SYT9: variants seen among roughly 807,000 people sequenced by gnomAD.
SYT9 encodes synaptotagmin 9, also known as synaptotagmin-9.
SYT9 carries 22 observed loss-of-function variants against 48.4 expected under a neutral mutation model. The observed-to-expected ratio is 0.45, with a 90% CI of 0.32 to 0.65. The LOEUF is 0.65. Ranked by LOEUF, SYT9 falls within the 30% of genes least tolerant of loss-of-function variation. SYT9 has a pLI of 0.03. For missense variants in SYT9, 577 were observed against 622.0 expected (o/e 0.93, Z 0.77); for synonymous variants, 265 against 245.0 (o/e 1.08, Z -0.76).
At chr11:7,380,364 G>A (rs1023276418) in intron 3 of SYT9, among the ~76,000 whole-genome samples, 5 of 152,176 alleles carry the variant, frequency 3.3e-5, no homozygotes, top group East Asian at 1.9e-4. Context: ...CCTACTATTC[G>A]ATAGCACCAT....
chr11:7,254,798 G>T (rs768455322), intron 1 of SYT9, among the ~76,000 whole-genome samples: 1 of 152,148 alleles, frequency 6.6e-6, no homozygotes, highest in East Asian at 1.9e-4. Flanking sequence ...GGAGAAAAAA[G>T]ATATAATTTC....
At chr11:7,398,040 A>G (rs555054475) in intron 3 of SYT9, among the ~76,000 whole-genome samples, 7 of 152,284 alleles carry the variant, frequency 4.6e-5, no homozygotes, top group Non-Finnish European at 5.9e-5. Flanking sequence ...ACATCCTCCC[A>G]ATGCTCCTCT....
chr11:7,342,668 A>G (rs1033493235), intron 3 of SYT9, among the ~76,000 whole-genome samples: 4 of 152,126 alleles, frequency 2.6e-5, no homozygotes, highest in Non-Finnish European at 4.4e-5. Flanking sequence ...CTGTAGGTGG[A>G]TCTACCATTC....
At chr11:7,318,509 T>C (rs1296384433) in intron 3 of SYT9, among the ~76,000 whole-genome samples, 1 of 152,160 alleles carries the variant, frequency 6.6e-6, no homozygotes, top group Non-Finnish European at 1.5e-5. Context: ...AGACGGGGTT[T>C]CACCATGTTG....
At chr11:7,344,510 C>G (rs1329579501) in intron 3 of SYT9, among the ~76,000 whole-genome samples, 1 of 152,072 alleles carries the variant, frequency 6.6e-6, no homozygotes, top group Non-Finnish European at 1.5e-5. Flanking sequence ...TACTGTTTTA[C>G]TCTAGAAGTT....
rs1847877912 is a variant in SYT9 at position 7,252,085 on chromosome 11, C to G, written c.-102C>G. 1 of 1,256,826 alleles carries G rather than the reference C, an allele frequency of 8.0e-7. No homozygotes were observed. The highest frequency in any genetic ancestry group is 1.0e-6 in the Non-Finnish European group (1 of 982,816). 77.9% of individuals were successfully genotyped at this position (1,256,826 alleles called of 1,614,324 possible). A position where few individuals can be genotyped will look rare whatever the true frequency, so the allele number is the denominator to read the frequency against. The stretch of plus-strand genomic sequence containing the variant: ...GCACCGTTTCTCGGCAGGTCCCTGG[C>G]GGTGAGCGCGGACGGCCCGGAGGCG... On this transcript the variant is annotated 5_prime_UTR_variant, in exon 1 of 7. Transcript: ENST00000318881. This position sits in a 1 kb window ranked among gnomAD's most constrained non-coding sequence, Gnocchi z 6.3.
intron 2 of SYT9, among the ~76,000 whole-genome samples, chr11:7,307,828 C>T (rs1248829088): frequency 1.3e-5 from 2 of 152,212 alleles, no homozygotes; most frequent in Non-Finnish European, 2.9e-5. Context: ...AAAGGCTCAT[C>T]TTAGTTATGG....
chr11:7,436,536 A>T (rs75289515), intron 6 of SYT9, among the ~76,000 whole-genome samples: 1 of 152,360 alleles, frequency 6.6e-6, no homozygotes, highest in African/African-American at 2.4e-5. Flanking sequence ...ATGTATATGT[A>T]CAAATGTAAG....
rs998969316 is a variant in SYT9 at position 7,251,964 on chromosome 11, G to A, written c.-223G>A. ...CTGGGGAGGGACGGAGGGACCGGGC[G>A]GGAGAGAGAGAAAGCCTGACCGACC... On this transcript the variant is annotated 5_prime_UTR_variant, in exon 1 of 7. Coordinates refer to ENST00000318881, the MANE Select transcript of SYT9 (RefSeq NM_175733.4). 1 of 443,878 alleles carries A rather than the reference G, an allele frequency of 2.3e-6. No individual in the cohort carries two copies. Among genetic ancestry groups the A allele is most frequent in the Non-Finnish European group, 3.9e-6 (1 of 255,294 alleles). 27.5% of individuals were successfully genotyped at this position (443,878 alleles called of 1,614,324 possible). A position where few individuals can be genotyped will look rare whatever the true frequency, so the allele number is the denominator to read the frequency against.
At chr11:7,294,960 G>C (rs758136875) in intron 1 of SYT9, among the ~76,000 whole-genome samples, 1 of 152,138 alleles carries the variant, frequency 6.6e-6, no homozygotes, top group African/African-American at 2.4e-5. Flanking sequence ...GCCTTCCTTC[G>C]TTCCTTCTCT....
Position 7,252,270 on chromosome 11 carries a change from C to A in SYT9, c.84C>A (p.Asp28Glu), listed in dbSNP as rs964555192. 2 of 1,511,392 alleles carry A rather than the reference C, an allele frequency of 1.3e-6. No individual in the cohort carries two copies. Among genetic ancestry groups the A allele is most frequent in the Admixed American group, 2.2e-5 (1 of 45,950 alleles). The allele number at this position is 1,511,392 out of a possible 1,614,324, so 93.6% of individuals were successfully genotyped here. ...ELCARGALEH[D>E]SCQDFIYHLR... The stretch of plus-strand genomic sequence containing the variant: ...GTGCCCGTGGGGCCCTGGAGCACGA[C>A]AGCTGCCAGGATTTCATTTACCACC... The change falls in exon 1 of 7, where the codon GAC (aspartate) becomes GAA (glutamate). Residue 28 changes from aspartate (D) to glutamate (E), a missense_variant. By Grantham distance (45) the Asp-to-Glu change is conservative (BLOSUM62 2). Coordinates refer to ENST00000318881, the MANE Select transcript of SYT9 (RefSeq NM_175733.4). The surrounding 1 kb of genome is among the most constrained non-coding windows in gnomAD (Gnocchi z 6.3).
At chr11:7,363,909 A>G (rs1248825540) in intron 3 of SYT9, among the ~76,000 whole-genome samples, 1 of 152,212 alleles carries the variant, frequency 6.6e-6, no homozygotes, top group Non-Finnish European at 1.5e-5. Flanking sequence ...AGTCAAAGAT[A>G]TGGAATTAGA....
intron 5 of SYT9, among the ~76,000 whole-genome samples, chr11:7,419,460 A>T (rs966660766): frequency 6.6e-6 from 1 of 152,138 alleles, no homozygotes; most frequent in African/African-American, 2.4e-5. Flanking sequence ...GAGGGAAAAA[A>T]AAAAGAGAAA....
chr11:7,304,259 C>T (rs142852583), intron 2 of SYT9, among the ~76,000 whole-genome samples: 3 of 152,184 alleles, frequency 2.0e-5, no homozygotes, highest in Non-Finnish European at 4.4e-5. Context: ...GTTAGTATTG[C>T]TATTATGGCC....
At chr11:7,453,270 A>G (rs1445185799) in intron 6 of SYT9, among the ~76,000 whole-genome samples, 1 of 151,880 alleles carries the variant, frequency 6.6e-6, no homozygotes, top group Non-Finnish European at 1.5e-5. Flanking sequence ...CGTGCCCACT[A>G]TGGGGAGGAG....
chr11:7,281,293 G>A (rs1000283477), intron 1 of SYT9, among the ~76,000 whole-genome samples: 1 of 152,096 alleles, frequency 6.6e-6, no homozygotes, highest in African/African-American at 2.4e-5. Flanking sequence ...AATAGAACAG[G>A]TTTCCTCTGT....
At chr11:7,322,344 G>A (rs546784139) in intron 3 of SYT9, among the ~76,000 whole-genome samples, 3 of 152,284 alleles carry the variant, frequency 2.0e-5, no homozygotes, top group East Asian at 1.9e-4. Context: ...CAAGCAACTC[G>A]AAAAACACCA....
intron 3 of SYT9, among the ~76,000 whole-genome samples, chr11:7,359,878 G>A (rs1410828494): frequency 1.3e-5 from 2 of 151,990 alleles, no homozygotes; most frequent in South Asian, 4.2e-4. Context: ...TGTCAATTTT[G>A]GCTTTTGTTA....
chr11:7,364,789 C>G (rs12280620), intron 3 of SYT9, among the ~76,000 whole-genome samples: 1 of 152,156 alleles, frequency 6.6e-6, no homozygotes, highest in Non-Finnish European at 1.5e-5. Flanking sequence ...GCATTTATTT[C>G]TGATAAATGC....
Sources: gnomAD v4.1 joint callset for allele counts (sites outside exome capture counted in the v4.1 genomes callset) on GRCh38, gnomAD v4.1.1 for gene constraint, Gnocchi (gnomAD v3.1) non-coding constraint, MANE v1.5 for transcripts, NCBI Gene and HGNC (gene_info 2026-07-23, HGNC 2026-07-21) for gene names.